SLC8A1: variants seen among roughly 807,000 people sequenced by gnomAD.
SLC8A1 encodes sodium/calcium exchanger 1.
In SLC8A1, 18 loss-of-function variants were observed where a neutral mutation model predicts 68.3. The ratio of observed to expected loss-of-function variants is 0.26; its 90% confidence interval spans 0.18 to 0.39. SLC8A1 has a LOEUF of 0.39. Among genes scored for constraint, SLC8A1 ranks in the 10% least tolerant of loss-of-function variants. The pLI, the probability that SLC8A1 is intolerant of heterozygous loss-of-function variation, is 1.00. For synonymous variants in SLC8A1, 475 were observed against 415.5 expected (o/e 1.14, Z -1.74); for missense variants, 985 against 1,156.7 (o/e 0.85, Z 2.15).
At chr2:40,417,019 A>G (rs529155462) in intron 2 of SLC8A1, among the ~76,000 whole-genome samples, 2 of 152,272 alleles carry the variant, frequency 1.3e-5, no homozygotes, top group East Asian at 3.9e-4. Flanking sequence ...CTCAGGAGGC[A>G]AAGTACAGAG....
exon 8 of SLC8A1, chr2:40,103,341 C>T (rs564830858): frequency 4.6e-5 from 7 of 152,110 alleles, no homozygotes; most frequent in South Asian, 2.1e-4. Flanking sequence ...GAGCTGTGGC[C>T]GACCGGTTGA....
chr2:40,236,694 C>G (rs1291200242), intron 2 of SLC8A1, among the ~76,000 whole-genome samples: 2 of 152,146 alleles, frequency 1.3e-5, no homozygotes, highest in Admixed American at 1.3e-4. Flanking sequence ...TCTTCCTAGT[C>G]TCAATGGTCT....
intron 1 of SLC8A1, among the ~76,000 whole-genome samples, chr2:40,464,148 GC>G (rs1703521326): frequency 6.6e-6 from 1 of 151,952 alleles, no homozygotes; most frequent in Admixed American, 6.6e-5. Context: ...ATTCACCTCG[GC>G]CCCCCAAAGT....
chr2:40,226,226 T>A (rs998980621), intron 2 of SLC8A1, among the ~76,000 whole-genome samples: 1 of 152,142 alleles, frequency 6.6e-6, no homozygotes, highest in African/African-American at 2.4e-5. Context: ...GTTCCATTAT[T>A]GCAATGTAAT....
At position 40,347,797 on chromosome 2, in the gene SLC8A1, C is replaced by T. The variant is rs959966716; in HGVS notation, c.1808+80676G>A. On this transcript the variant is annotated intron_variant, in intron 2 of 7. Transcript: ENST00000406785. ...CAAAAGAGATCTTTAGTGATTAATC[C>T]TGAATTTAAAGCAAGATTTCTCTAA... Among the ~76,000 whole-genome samples, 12 of 152,220 alleles carry T rather than the reference C, an allele frequency of 7.9e-5. 1 individual carries two copies. The highest frequency in any genetic ancestry group is 1.9e-4 in the East Asian group (1 of 5,176).
At chr2:40,165,471 G>A (rs2046390644) in intron 4 of SLC8A1, among the ~76,000 whole-genome samples, 2 of 152,122 alleles carry the variant, frequency 1.3e-5, no homozygotes, top group African/African-American at 4.8e-5. Context: ...CCAAAGAGAT[G>A]GGGAACAGGA....
At chr2:40,187,006 T>C (rs1468102982) in intron 2 of SLC8A1, among the ~76,000 whole-genome samples, 5 of 152,224 alleles carry the variant, frequency 3.3e-5, no homozygotes, top group Admixed American at 1.3e-4. Flanking sequence ...GTGGTTTGTT[T>C]TGCAGTTCTT....
At chr2:40,491,696 T>C (rs1284808770) in intron 1 of SLC8A1, among the ~76,000 whole-genome samples, 5 of 152,154 alleles carry the variant, frequency 3.3e-5, no homozygotes, top group Admixed American at 2.6e-4. Flanking sequence ...TGAAGAGTTG[T>C]TGAATTTTGT....
intron 2 of SLC8A1, among the ~76,000 whole-genome samples, chr2:40,234,437 G>C (rs2060093235): frequency 1.3e-5 from 2 of 152,000 alleles, no homozygotes; most frequent in Non-Finnish European, 2.9e-5. Flanking sequence ...TGTGATTTTG[G>C]TACATTGATT....
At chr2:40,464,925 T>C (rs1388216914) in intron 1 of SLC8A1, among the ~76,000 whole-genome samples, 1 of 152,090 alleles carries the variant, frequency 6.6e-6, no homozygotes, top group Admixed American at 6.6e-5. Flanking sequence ...CAGAAGCAGG[T>C]GCCAATATGA....
chr2:40,098,825 G>A (rs1483117117), exon 8 of SLC8A1: 1 of 151,752 alleles, frequency 6.6e-6, no homozygotes, highest in African/African-American at 2.4e-5. Flanking sequence ...AGAATGTTAG[G>A]GTGTTTCTTA....
exon 2 of SLC8A1, chr2:40,428,708 A>G (rs1179235860): frequency 6.2e-7 from 1 of 1,613,768 alleles, no homozygotes; most frequent in East Asian, 2.2e-5. Flanking sequence ...GTGGCAGTGG[A>G]GGGAGATCCG....
chr2:40,491,828 C>T (rs1199485348), intron 1 of SLC8A1, among the ~76,000 whole-genome samples: 4 of 152,016 alleles, frequency 2.6e-5, no homozygotes, highest in Non-Finnish European at 5.9e-5. Context: ...CAGACCACTG[C>T]TCAGTGAAAT....
At chr2:40,286,787 T>C (rs184783876) in intron 2 of SLC8A1, among the ~76,000 whole-genome samples, 106 of 152,304 alleles carry the variant, frequency 7.0e-4, no homozygotes, top group African/African-American at 2.0e-3. Flanking sequence ...CATGGAGCAA[T>C]TGATAATACC....
rs28378888 is a variant in SLC8A1, at chr2:40,410,122, G to A, written c.1808+18351C>T. Among the ~76,000 whole-genome samples, 786 of 152,072 alleles carry A rather than the reference G, an allele frequency of 5.2e-3. 4 individuals are homozygous for A. Among genetic ancestry groups the A allele is most frequent in the African/African-American group, 0.018 (737 of 41,484 alleles). On this transcript the variant is annotated intron_variant, in intron 2 of 7. Coordinates refer to ENST00000406785, the Ensembl canonical transcript of SLC8A1. ...GTTTTAACTTTTTAATAAATCATGG[G>A]GCAAGGGATAGAACACATGACTCTT... is the stretch of plus-strand genomic sequence containing the variant.
At chr2:40,379,028 C>T (rs1486774031) in intron 2 of SLC8A1, among the ~76,000 whole-genome samples, 1 of 152,130 alleles carries the variant, frequency 6.6e-6, no homozygotes, top group Non-Finnish European at 1.5e-5. Flanking sequence ...AGGGCAGGCT[C>T]TTTGTCCATC....
chr2:40,180,643 C>T (rs937635871), intron 2 of SLC8A1, among the ~76,000 whole-genome samples: 1 of 152,212 alleles, frequency 6.6e-6, no homozygotes, highest in African/African-American at 2.4e-5. Flanking sequence ...GTACATCAAA[C>T]TGAAACCCCT....
intron 2 of SLC8A1, among the ~76,000 whole-genome samples, chr2:40,266,885 T>G (rs1022948112): frequency 6.6e-6 from 1 of 152,156 alleles, no homozygotes; most frequent in African/African-American, 2.4e-5. Context: ...ACTGGCTTAT[T>G]AGGAAATAGC....
intron 1 of SLC8A1, among the ~76,000 whole-genome samples, chr2:40,493,043 C>T (rs928869561): frequency 1.3e-5 from 2 of 152,132 alleles, no homozygotes; most frequent in African/African-American, 4.8e-5. Flanking sequence ...GACACATGAA[C>T]ACTCATGTTT....
Sources: allele counts gnomAD v4.1 joint callset (sites outside exome capture counted in the v4.1 genomes callset), GRCh38; gene constraint gnomAD v4.1.1; transcripts MANE v1.5; gene names NCBI Gene and HGNC (gene_info 2026-07-23, HGNC 2026-07-21).